Variants in BSPH1 observed in about 807,000 individuals in gnomAD.
BSPH1 encodes binder of sperm protein homolog 1.
Under a neutral mutation model 22.5 loss-of-function variants are expected in BSPH1, and 21 were observed. The ratio of observed to expected loss-of-function variants is 0.93; its 90% CI spans 0.66 to 1.35. BSPH1 has a LOEUF of 1.35. BSPH1 is among the 40% of genes most tolerant of loss of function. The pLI is 0.00. For synonymous variants in BSPH1, 42 were observed against 53.6 expected (o/e 0.78, Z 0.95); for missense variants, 141 against 154.2 (o/e 0.91, Z 0.45).
intron 5 of BSPH1, among the ~76,000 whole-genome samples, chr19:47,971,976 C>A (rs1969314455): frequency 2.0e-5 from 3 of 150,084 alleles, no homozygotes; most frequent in African/African-American, 7.4e-5. Context: ...AATTTTTGTT[C>A]TGTCCTATGT....
intron 5 of BSPH1, among the ~76,000 whole-genome samples, chr19:47,969,795 G>A (rs1389370231): frequency 1.3e-5 from 2 of 151,470 alleles, no homozygotes; most frequent in African/African-American, 2.4e-5. Context: ...GTGTGAGAGA[G>A]ACTTCAGAAT....
intron 4 of BSPH1, 77 bp downstream of exon 4, chr19:47,977,296 C>T: frequency 9.0e-7 from 1 of 1,108,150 alleles, no homozygotes; most frequent in Non-Finnish European, 1.3e-6. Flanking sequence ...TTTCAGAACC[C>T]TCTTGTGTTT....
intron 1 of BSPH1, among the ~76,000 whole-genome samples, chr19:47,983,714 A>C (rs1317340480): frequency 6.6e-6 from 1 of 152,262 alleles, no homozygotes; most frequent in Admixed American, 6.5e-5. Flanking sequence ...GCAACTGCAA[A>C]GCAAGTGGAC....
At chr19:47,976,219 A>C (rs1349546230) in intron 5 of BSPH1, among the ~76,000 whole-genome samples, 1 of 151,882 alleles carries the variant, frequency 6.6e-6, no homozygotes, top group Non-Finnish European at 1.5e-5. Context: ...TGAACTCTTG[A>C]ACTCAGGTGA....
chr19:47,988,016 A>T (rs1438093449), intron 1 of BSPH1, among the ~76,000 whole-genome samples: 1 of 152,130 alleles, frequency 6.6e-6, no homozygotes, highest in African/African-American at 2.4e-5. Flanking sequence ...AAAATAAAAT[A>T]AAAATAAAAA....
Position 47,979,602 on chromosome 19 carries a change from G to T in BSPH1, c.95-3C>A. On this transcript the variant is annotated splice_polypyrimidine_tract_variant and splice_region_variant and intron_variant, in intron 2 of 5. Transcript: ENST00000344839. ...TTCTGGAAAATGAGTTATAGTTTCT[G>T]AAAAATAAAATTTAGAGCTGACATT... 2 of 1,320,448 alleles carry T rather than the reference G, an allele frequency of 1.5e-6. No individual in the cohort carries two copies. The highest frequency in any genetic ancestry group is 2.8e-5 in the East Asian group (1 of 36,340). The allele number at this position is 1,320,448 out of a possible 1,614,324, so 81.8% of individuals were successfully genotyped here. A position where few individuals can be genotyped will look rare whatever the true frequency, so the allele number is the denominator to read the frequency against.
intron 4 of BSPH1, 46 bp from the exon 5 acceptor site, chr19:47,976,900 T>C (rs1205782960): frequency 2.6e-6 from 4 of 1,538,624 alleles, no homozygotes; most frequent in Non-Finnish European, 3.5e-6. Flanking sequence ...ACCTTTCTAA[T>C]TTGCACCCAC....
intron 3 of BSPH1, chr19:47,977,718 G>T: frequency 1.0e-6 from 1 of 979,276 alleles, no homozygotes; most frequent in Non-Finnish European, 1.2e-6. Flanking sequence ...TCTTTTCCAG[G>T]TTATAAACAG....
intron 5 of BSPH1, among the ~76,000 whole-genome samples, chr19:47,974,948 G>A (rs1969347631): frequency 6.6e-6 from 1 of 151,936 alleles, no homozygotes; most frequent in South Asian, 2.1e-4. Context: ...ATTGTCACAA[G>A]ATTACTTTTC....
At position 47,977,401 on chromosome 19, in the gene BSPH1, T is replaced by C. The variant is rs1355953031; in HGVS notation, c.228A>G (p.Glu76=). The C allele has an allele frequency of 1.3e-6, 2 of 1,552,130 alleles. No individual in the cohort carries two copies. Among genetic ancestry groups the C allele is most frequent in the East Asian group, 4.9e-5 (2 of 40,928 alleles). Residue 76 remains glutamate (E), a synonymous_variant, in exon 4 of 6, where the codon GAA becomes GAG. Coordinates refer to ENST00000344839, the MANE Select transcript of BSPH1 (RefSeq NM_001128326.2). ...HKWCSLNKTY[E]GYWKFCSAED... ...CTGCACTGCAAAACTTCCAGTATCC[T>C]TCGTAGGTCTTGTTTAACGAGCACC...
Position 47,992,156 on chromosome 19 carries a change from G to T in BSPH1, c.-75C>A. The T allele has an allele frequency of 8.7e-7, 1 of 1,151,682 alleles. No individual in the cohort carries two copies. The highest frequency in any genetic ancestry group is 1.3e-6 in the Non-Finnish European group (1 of 796,798). 71.3% of individuals were successfully genotyped at this position (1,151,682 alleles called of 1,614,324 possible). A position where few individuals can be genotyped will look rare whatever the true frequency, so the allele number is the denominator to read the frequency against. ...CCAGGGCTCAAGAATCCCCTGGAGA[G>T]GCCCAGGGAGGCTTCTTGGAAAAGC... is the stretch of plus-strand genomic sequence containing the variant. On this transcript the variant is annotated 5_prime_UTR_variant, in exon 1 of 6. Transcript: ENST00000344839.
chr19:47,973,204 G>A (rs973614119), intron 5 of BSPH1, among the ~76,000 whole-genome samples: 6 of 145,068 alleles, frequency 4.1e-5, no homozygotes, highest in Admixed American at 2.8e-4. Context: ...GTGTCAGAGC[G>A]AGACTCCGTC....
intron 4 of BSPH1, among the ~76,000 whole-genome samples, 163 bp from the exon 5 acceptor site, chr19:47,977,017 A>T (rs926578037): frequency 6.6e-6 from 1 of 152,254 alleles, no homozygotes; most frequent in Admixed American, 6.5e-5. Context: ...ACATGTATGC[A>T]CACTGGTGCG....
intron 5 of BSPH1, among the ~76,000 whole-genome samples, chr19:47,974,267 CTCTT>C (rs1366465326): frequency 4.7e-5 from 3 of 63,442 alleles, no homozygotes; most frequent in Admixed American, 1.5e-4. Context: ...CTCTCTCTCT[CTCTT>C]TTTTTTTTTT....
intron 5 of BSPH1, 113 bp from the exon 6 acceptor site, chr19:47,968,322 A>C (rs1373171059): frequency 1.3e-5 from 2 of 151,456 alleles, no homozygotes; most frequent in East Asian, 3.9e-4. Flanking sequence ...GTGGAGACAC[A>C]CATCTTTTCT....
At chr19:47,988,830 A>G (rs1969495686) in intron 1 of BSPH1, among the ~76,000 whole-genome samples, 1 of 152,130 alleles carries the variant, frequency 6.6e-6, no homozygotes, top group African/African-American at 2.4e-5. Flanking sequence ...TTGGAATAGT[A>G]ATTACATGTT....
intron 2 of BSPH1, among the ~76,000 whole-genome samples, chr19:47,979,983 A>T (rs1291257282): frequency 1.3e-5 from 2 of 152,238 alleles, no homozygotes; most frequent in East Asian, 3.9e-4. Context: ...ATATTACTTT[A>T]TTAAAACTAA....
chr19:47,990,393 C>T (rs1223970878), intron 1 of BSPH1, among the ~76,000 whole-genome samples: 3 of 151,912 alleles, frequency 2.0e-5, no homozygotes, highest in African/African-American at 4.8e-5. Flanking sequence ...ACATTGACAG[C>T]GGAGAAGCTT....
chr19:47,969,810 T>C (rs558874688), intron 5 of BSPH1, among the ~76,000 whole-genome samples: 2 of 145,140 alleles, frequency 1.4e-5, no homozygotes, highest in Admixed American at 6.9e-5. Flanking sequence ...CAGAATTTAT[T>C]TGTGTGTGTG....
Sources: allele counts gnomAD v4.1 joint callset (sites outside exome capture counted in the v4.1 genomes callset), GRCh38; gene constraint gnomAD v4.1.1; transcripts MANE v1.5; gene names NCBI Gene and HGNC (gene_info 2026-07-23, HGNC 2026-07-21).